Variants in GPC5 observed in about 807,000 individuals in gnomAD.
The protein encoded by GPC5 is glypican 5, also known as glypican-5.
GPC5 carries 47 observed loss-of-function variants against 53.9 expected under a neutral mutation model. That is an observed-to-expected ratio of 0.87 (90% confidence interval 0.69 to 1.11). The LOEUF (loss-of-function observed/expected upper bound fraction) is 1.11. Among genes scored for constraint, GPC5 ranks in the 50% most tolerant of loss-of-function variants. GPC5 has a pLI of 0.00. For synonymous variants in GPC5, 286 were observed against 263.3 expected (o/e 1.09, Z -0.84); for missense variants, 748 against 713.1 (o/e 1.05, Z -0.56).
intron 2 of GPC5, among the ~76,000 whole-genome samples, chr13:91,458,164 T>A (rs1197456181): frequency 6.6e-6 from 1 of 151,970 alleles, no homozygotes; most frequent in African/African-American, 2.4e-5. Context: ...AGAAACACAT[T>A]CCAGGACCAG....
intron 2 of GPC5, among the ~76,000 whole-genome samples, chr13:91,558,979 T>A (rs1309578625): frequency 6.6e-6 from 1 of 152,138 alleles, no homozygotes; most frequent in Non-Finnish European, 1.5e-5. Context: ...TGTTCATAAT[T>A]CTTTATGGTG....
chr13:92,382,002 C>A (rs890917908), intron 7 of GPC5, among the ~76,000 whole-genome samples: 1 of 146,858 alleles, frequency 6.8e-6, no homozygotes, highest in Non-Finnish European at 1.5e-5. Context: ...ATCTATCTAT[C>A]TATATATCTA....
intron 7 of GPC5, among the ~76,000 whole-genome samples, chr13:92,458,577 C>A (rs562711780): frequency 2.9e-4 from 44 of 151,680 alleles, no homozygotes; most frequent in Non-Finnish European, 5.1e-4. Context: ...GGATTTCAGG[C>A]GTGAGCTACC....
intron 7 of GPC5, among the ~76,000 whole-genome samples, chr13:92,335,551 T>C (rs958099810): frequency 4.6e-5 from 7 of 152,198 alleles, no homozygotes; most frequent in African/African-American, 7.2e-5. Flanking sequence ...CGCTTGAATT[T>C]CTCCCCAGAA....
chr13:92,048,964 A>G (rs1399561647), intron 6 of GPC5, among the ~76,000 whole-genome samples: 2 of 152,220 alleles, frequency 1.3e-5, no homozygotes, highest in Non-Finnish European at 2.9e-5. Flanking sequence ...TATTTGGAAC[A>G]GATTTATTTT....
intron 2 of GPC5, among the ~76,000 whole-genome samples, chr13:91,528,163 G>A (rs1300548944): frequency 1.3e-5 from 2 of 152,198 alleles, no homozygotes; most frequent in Non-Finnish European, 2.9e-5. Flanking sequence ...TGGTCAGGCT[G>A]CAAATTTTCC....
intron 6 of GPC5, among the ~76,000 whole-genome samples, chr13:92,106,790 G>T (rs189230123): frequency 3.3e-5 from 5 of 152,054 alleles, no homozygotes; most frequent in African/African-American, 1.2e-4. Flanking sequence ...AGATCTTCTA[G>T]TCTCCAACTC....
At chr13:92,642,410 A>T (rs1470356035) in intron 7 of GPC5, among the ~76,000 whole-genome samples, 3 of 152,196 alleles carry the variant, frequency 2.0e-5, no homozygotes, top group African/African-American at 7.2e-5. Flanking sequence ...CTCAAAGCAG[A>T]ATTAATCCTA....
At chr13:92,495,593 C>G (rs376018931) in intron 7 of GPC5, among the ~76,000 whole-genome samples, 6 of 150,928 alleles carry the variant, frequency 4.0e-5, no homozygotes, top group African/African-American at 1.5e-4. Flanking sequence ...AAAAATGAAA[C>G]AACAGGCCTA....
intron 3 of GPC5, among the ~76,000 whole-genome samples, chr13:91,714,668 G>C (rs376695700): frequency 9.2e-5 from 14 of 152,110 alleles, no homozygotes; most frequent in African/African-American, 3.1e-4. Flanking sequence ...GATTATCTGG[G>C]AAGGACAAGC....
intron 7 of GPC5, among the ~76,000 whole-genome samples, chr13:92,507,995 C>T (rs938867133): frequency 6.6e-6 from 1 of 152,018 alleles, no homozygotes; most frequent in African/African-American, 2.4e-5. Flanking sequence ...GCTGGAGTCT[C>T]ACTCTGTTGC....
At chr13:92,694,900 A>G (rs1018232903) in intron 7 of GPC5, among the ~76,000 whole-genome samples, 14 of 152,146 alleles carry the variant, frequency 9.2e-5, no homozygotes, top group African/African-American at 3.4e-4. Context: ...GTGTTGAGGG[A>G]GAGACTAGGA....
intron 7 of GPC5, among the ~76,000 whole-genome samples, chr13:92,835,554 T>A (rs1878193916): frequency 6.6e-6 from 1 of 152,058 alleles, no homozygotes; most frequent in Non-Finnish European, 1.5e-5. Context: ...TATTATTGTA[T>A]CATAATTTAA....
In GPC5 at chr13:91,762,907, A is replaced by T. The variant is rs575624992; in HGVS notation, c.1280+6487A>T. Among the ~76,000 whole-genome samples, 503 of 151,952 alleles carry T rather than the reference A, an allele frequency of 3.3e-3. 2 individuals carry two copies. The highest frequency in any genetic ancestry group is 0.011 in the African/African-American group (477 of 41,484). Reference sequence around the variant, plus strand: ...ATCCCCTCATTTGTGTTTCATTTTAACCCCTAAATGCACTGTGACACCTAT... The same window carrying T: ...ATCCCCTCATTTGTGTTTCATTTTATCCCCTAAATGCACTGTGACACCTAT... On this transcript the variant is annotated intron_variant, in intron 5 of 7. Transcript: ENST00000377067.
intron 6 of GPC5, among the ~76,000 whole-genome samples, chr13:91,967,832 T>A (rs1177260544): frequency 1.3e-5 from 2 of 152,128 alleles, no homozygotes; most frequent in African/African-American, 4.8e-5. Context: ...TATCTGGCCA[T>A]ATTAGAGAGC....
intron 5 of GPC5, among the ~76,000 whole-genome samples, chr13:91,837,010 C>A (rs2038729067): frequency 6.7e-6 from 1 of 149,914 alleles, no homozygotes; most frequent in African/African-American, 2.4e-5. Context: ...ATACTTATAT[C>A]AGAAATTAAA....
chr13:91,757,001 A>G (rs1033850980), intron 5 of GPC5, among the ~76,000 whole-genome samples: 6 of 152,104 alleles, frequency 3.9e-5, no homozygotes, highest in African/African-American at 1.2e-4. Context: ...TATGTTGTCA[A>G]TTATTCTCAA....
At chr13:91,553,664 G>A (rs566190518) in intron 2 of GPC5, among the ~76,000 whole-genome samples, 1 of 151,998 alleles carries the variant, frequency 6.6e-6, no homozygotes, top group Admixed American at 6.6e-5. Flanking sequence ...CACTTTACAA[G>A]TTCCAAAGTG....
chr13:91,807,097 A>G (rs1207828536), intron 5 of GPC5, among the ~76,000 whole-genome samples: 1 of 152,180 alleles, frequency 6.6e-6, no homozygotes, highest in East Asian at 1.9e-4. Context: ...TATTAAGAAT[A>G]GGCTTCTAGC....
Sources: allele counts gnomAD v4.1 joint callset (sites outside exome capture counted in the v4.1 genomes callset), GRCh38; gene constraint gnomAD v4.1.1; transcripts MANE v1.5; gene names NCBI Gene and HGNC (gene_info 2026-07-23, HGNC 2026-07-21).